Variants in DDX50 observed in about 807,000 individuals in gnomAD.
DDX50 encodes ATP-dependent RNA helicase DDX50.
In DDX50, 56 loss-of-function variants were observed where a neutral mutation model predicts 94.8. The ratio of observed to expected loss-of-function variants is 0.59; its 90% CI spans 0.48 to 0.74. DDX50 has a LOEUF of 0.74. DDX50 is among the 30% of genes least tolerant of loss of function. The probability of loss-of-function intolerance (pLI) is 0.00; values close to 1 mark genes in which losing one functional copy is unlikely to be tolerated. For missense variants in DDX50, 713 were observed against 881.2 expected (o/e 0.81, Z 2.42); for synonymous variants, 264 against 295.4 (o/e 0.89, Z 1.09).
At position 68,913,379 on chromosome 10, in the gene DDX50, C is replaced by T. The variant is rs772582402; in HGVS notation, c.758-12C>T. 179 of 1,606,444 alleles carry T rather than the reference C, an allele frequency of 1.1e-4. No individual in the cohort carries two copies. The Middle Eastern group carries it at 1.2e-3, about 10-fold the overall frequency. On this transcript the variant is annotated splice_polypyrimidine_tract_variant and intron_variant, in intron 5 of 14. Coordinates refer to ENST00000373585, the MANE Select transcript of DDX50 (RefSeq NM_024045.2). ...AATTTTACATATTGGTGGCATTTCTCTCTTCTCACAGTTAATCATATTCGA... is the reference window on the plus strand; with the variant it reads ...AATTTTACATATTGGTGGCATTTCTTTCTTCTCACAGTTAATCATATTCGA...
Position 68,946,556 on chromosome 10 carries a change from C to G in DDX50, c.2140C>G (p.Arg714Gly). 1 of 1,614,148 alleles carries G rather than the reference C, an allele frequency of 6.2e-7. No individual in the cohort carries two copies. Among genetic ancestry groups the G allele is most frequent in the Non-Finnish European group, 8.5e-7 (1 of 1,180,040 alleles). Residue 714 changes from arginine (R) to glycine (G), a missense_variant, in exon 15 of 15, where the codon CGA becomes GGA. By Grantham distance (125) the Arg-to-Gly change is moderately radical (BLOSUM62 -2). Transcript: ENST00000373585. Reference sequence around the variant, plus strand: ...TCGACAAGGAAGTCGCTCAGGAAGTCGACAAGATGGTAGAAGACGAAGTGG... The same window carrying G: ...TCGACAAGGAAGTCGCTCAGGAAGTGGACAAGATGGTAGAAGACGAAGTGG... ...QSRQGSRSGS[R>G]QDGRRRSGNR... is the part of the protein sequence containing the mutation.
intron 1 of DDX50, among the ~76,000 whole-genome samples, chr10:68,902,180 C>G (rs1194936745): frequency 7.1e-6 from 1 of 140,068 alleles, no homozygotes; most frequent in Non-Finnish European, 1.5e-5. Context: ...CCTCCCAGCC[C>G]CCTGCCCTCC....
Position 68,934,280 on chromosome 10 carries a change from G to A in DDX50, c.1321G>A (p.Val441Ile). The change falls in exon 9 of 15, where the codon GTT (valine) becomes ATT (isoleucine). Residue 441 changes from valine to isoleucine, a missense_variant. Val to Ile is a conservative substitution (Grantham distance 29, BLOSUM62 3). This residue lies in a region of DDX50 where 428 missense variants were observed against 602.3 expected (regional missense o/e 0.71). Coordinates refer to ENST00000373585, the MANE Select transcript of DDX50 (RefSeq NM_024045.2). This position sits in a 1 kb window ranked among gnomAD's most constrained non-coding sequence, Gnocchi z 4.0. ...AGGCTTCAGAGAAGGTAGTTTTAAA[G>A]TTTTGGTGGCAACCAATGTGGCTGC... ...LKGFREGSFK[V>I]LVATNVAARG... The A allele has an allele frequency of 6.2e-7, 1 of 1,613,510 alleles. No individual in the cohort carries two copies. Among genetic ancestry groups the A allele is most frequent in the South Asian group, 1.1e-5 (1 of 91,048 alleles).
intron 8 of DDX50, among the ~76,000 whole-genome samples, chr10:68,929,200 G>A (rs889453909): frequency 2.0e-5 from 3 of 151,806 alleles, no homozygotes; most frequent in African/African-American, 7.3e-5. Context: ...ACCCACCTCC[G>A]TCTCCCACAG....
intron 14 of DDX50, 53 bp downstream of exon 14, chr10:68,943,310 G>T: frequency 6.9e-7 from 1 of 1,445,228 alleles, no homozygotes. Context: ...CTAACATTTA[G>T]ATTGGGATAT....
intron 7 of DDX50, among the ~76,000 whole-genome samples, chr10:68,917,930 CT>C (rs888306800): frequency 2.1e-4 from 31 of 145,784 alleles, no homozygotes; most frequent in Admixed American, 2.7e-4. Context: ...ACATACATAT[CT>C]TTTTTTTTTT....
chr10:68,935,940 A>T (rs5030892), intron 10 of DDX50, 66 bp from the exon 11 acceptor site: 649,876 of 1,041,168 alleles, frequency 0.62, 206,626 homozygotes, highest in East Asian at 0.84. Flanking sequence ...GAACTATTAA[A>T]ATATTAATTT....
intron 14 of DDX50, among the ~76,000 whole-genome samples, chr10:68,943,576 A>G (rs551862201): frequency 2.4e-4 from 37 of 151,918 alleles, no homozygotes; most frequent in Non-Finnish European, 4.0e-4. Context: ...ATGAGCCACC[A>G]TGCCCGGATA....
rs1209779127 is a variant in DDX50 at position 68,926,520 on chromosome 10, G to A, written c.1239+6539G>A. ...TATGGGATTTTATGGATTAACTACA[G>A]AATCTGAATAGTTTTTTGTTTTTAT... On this transcript the variant is annotated intron_variant, in intron 8 of 14. Transcript: ENST00000373585. Among the ~76,000 whole-genome samples, 3 of 152,038 alleles carry A rather than the reference G, an allele frequency of 2.0e-5. No individual in the cohort carries two copies. The East Asian group carries it at 5.8e-4, about 29-fold the overall frequency.
intron 1 of DDX50, among the ~76,000 whole-genome samples, chr10:68,903,017 C>T (rs1841335381): frequency 6.6e-6 from 1 of 152,150 alleles, no homozygotes; most frequent in African/African-American, 2.4e-5. Context: ...GTAAATTCTC[C>T]AGAAATACAT....
intron 3 of DDX50, among the ~76,000 whole-genome samples, chr10:68,910,693 G>A (rs1453588749): frequency 1.3e-5 from 2 of 152,148 alleles, no homozygotes; most frequent in Admixed American, 6.5e-5. Context: ...GAGCCACCAC[G>A]GCTGGCCCAA....
rs530004099 is a variant in DDX50, at chr10:68,944,796, C to T, written c.1935+1539C>T. ...TCTTGACCTCATGATCCGCCCGCCT[C>T]GGCCTCCCAAAGTGCTGGGATTATA... On this transcript the variant is annotated intron_variant, in intron 14 of 14. Coordinates refer to ENST00000373585, the MANE Select transcript of DDX50 (RefSeq NM_024045.2). Among the ~76,000 whole-genome samples, 20 of 152,214 alleles carry T rather than the reference C, an allele frequency of 1.3e-4. No individual in the cohort carries two copies. The South Asian group carries it at 3.5e-3, about 27-fold the overall frequency.
At chr10:68,929,645 C>G (rs926345958) in intron 8 of DDX50, among the ~76,000 whole-genome samples, 1 of 151,304 alleles carries the variant, frequency 6.6e-6, no homozygotes, top group African/African-American at 2.4e-5. Flanking sequence ...AGGATAGTCT[C>G]AATCCCTTGA....
intron 8 of DDX50, among the ~76,000 whole-genome samples, chr10:68,927,081 T>A (rs1453620522): frequency 6.6e-6 from 1 of 151,936 alleles, no homozygotes; most frequent in Admixed American, 6.6e-5. Context: ...CCTGGCTAAT[T>A]TTTTATTTTT....
intron 1 of DDX50, among the ~76,000 whole-genome samples, chr10:68,905,764 T>G (rs1159385088): frequency 6.6e-6 from 1 of 152,092 alleles, no homozygotes. Context: ...ATACAAAAAT[T>G]TAGCTGGGCA....
At position 68,945,450 on chromosome 10, in the gene DDX50, G is replaced by A. The variant is rs1272479872; in HGVS notation, c.1936-902G>A. Among the ~76,000 whole-genome samples, 6 of 152,164 alleles carry A rather than the reference G, an allele frequency of 3.9e-5. No homozygotes were observed. The East Asian group carries it at 1.2e-3, about 29-fold the overall frequency. The stretch of plus-strand genomic sequence containing the variant: ...GCTTCCCGAGTAACTGGGATTACAG[G>A]CGCCCACCACCATGCCCGGCTAATT... On this transcript the variant is annotated intron_variant, in intron 14 of 14. Transcript: ENST00000373585.
rs115233762 is a variant in DDX50, at chr10:68,934,744, G to A, written c.1402-55G>A. On this transcript the variant is annotated intron_variant, in intron 9 of 14. Transcript: ENST00000373585. The surrounding 1 kb of genome is among the most constrained non-coding windows in gnomAD (Gnocchi z 4.0). ...TTATTAACATTATTATTTGGATTCCGGAATGACTGCAACTTGCTAGATTTT... is the reference window on the plus strand; with the variant it reads ...TTATTAACATTATTATTTGGATTCCAGAATGACTGCAACTTGCTAGATTTT... The A allele has an allele frequency of 1.4e-3, 2,072 of 1,527,156 alleles. 25 individuals are homozygous for A. The African/African-American group carries it at 0.026, about 19-fold the overall frequency. The allele number at this position is 1,527,156 out of a possible 1,614,324, so 94.6% of individuals were successfully genotyped here. A position where few individuals can be genotyped will look rare whatever the true frequency, so the allele number is the denominator to read the frequency against.
chr10:68,938,994 C>A (rs1842492367), intron 12 of DDX50, among the ~76,000 whole-genome samples: 1 of 152,108 alleles, frequency 6.6e-6, no homozygotes, highest in Non-Finnish European at 1.5e-5. Flanking sequence ...TTGCCTTTAT[C>A]CTCTTTTAAA....
chr10:68,931,458 T>C (rs912683990), intron 8 of DDX50, among the ~76,000 whole-genome samples: 2 of 75,626 alleles, frequency 2.6e-5, no homozygotes, highest in Non-Finnish European at 5.4e-5. Flanking sequence ...ATTTTTTTTT[T>C]GAGATGGAAT....
Sources: gnomAD v4.1 joint callset for allele counts (sites outside exome capture counted in the v4.1 genomes callset) on GRCh38, gnomAD v4.1.1 for gene constraint, gnomAD v4.1.1 regional missense constraint, Gnocchi (gnomAD v3.1) non-coding constraint, MANE v1.5 for transcripts, NCBI Gene and HGNC (gene_info 2026-07-23, HGNC 2026-07-21) for gene names.